CACNA1I: variants seen among roughly 807,000 people sequenced by gnomAD.
CACNA1I encodes the protein voltage-dependent T-type calcium channel subunit alpha-1I.
Under a neutral mutation model 201.6 loss-of-function variants are expected in CACNA1I, and 74 were observed. The observed-to-expected ratio is 0.37, with a 90% CI of 0.30 to 0.45. The LOEUF is 0.45. Ranked by LOEUF, CACNA1I falls within the 20% of genes least tolerant of loss-of-function variation. The pLI, the probability that CACNA1I is intolerant of heterozygous loss-of-function variation, is 1.00. For missense variants in CACNA1I, 2,346 were observed against 3,138.1 expected, an observed-to-expected ratio of 0.75 and a Z score of 6.03; for synonymous variants, 1,431 against 1,345.2, an observed-to-expected ratio of 1.06 and a Z score of -1.40.
chr22:39,605,279 C>T (rs925788210), intron 3 of CACNA1I, among the ~76,000 whole-genome samples: 3 of 152,204 alleles, frequency 2.0e-5, no homozygotes, highest in Admixed American at 2.0e-4. Flanking sequence ...GCCTTCATCT[C>T]CACATCTGGT....
chr22:39,620,259 C>A (rs569911823), intron 4 of CACNA1I, among the ~76,000 whole-genome samples: 73 of 136,298 alleles, frequency 5.4e-4, no homozygotes, highest in African/African-American at 1.9e-3. Flanking sequence ...ATCCATCCAT[C>A]CATCCATCCA....
intron 10 of CACNA1I, chr22:39,656,725 T>G: frequency 1.9e-6 from 1 of 519,052 alleles, no homozygotes; most frequent in Non-Finnish European, 3.8e-6. Context: ...GAGTCCAGCT[T>G]GGTTCAGTGC....
intron 4 of CACNA1I, among the ~76,000 whole-genome samples, chr22:39,625,033 G>A (rs369022029): frequency 2.7e-5 from 4 of 150,812 alleles, no homozygotes; most frequent in Admixed American, 6.6e-5. Flanking sequence ...TCAGTCTCCC[G>A]AGTAGCTGGG....
rs1161016366 is a variant in CACNA1I, at chr22:39,629,672, C to T, written c.581-4893C>T. Among the ~76,000 whole-genome samples, 1 of 152,182 alleles carries T rather than the reference C, an allele frequency of 6.6e-6. No homozygotes were observed. Among genetic ancestry groups the T allele is most frequent in the African/African-American group, 2.4e-5 (1 of 41,438 alleles). ...GGGCACAGAGCAGGGAACCACAGCT[C>T]TCCTGGGCCCCACACTCAGCGCTCC... On this transcript the variant is annotated intron_variant, in intron 4 of 36. Transcript: ENST00000402142. The surrounding 1 kb of genome is among the most constrained non-coding windows in gnomAD (Gnocchi z 4.8).
chr22:39,632,838 C>T (rs931560261), intron 4 of CACNA1I, among the ~76,000 whole-genome samples: 1 of 151,012 alleles, frequency 6.6e-6, no homozygotes, highest in Non-Finnish European at 1.5e-5. Flanking sequence ...GCTGTACACG[C>T]CTCGCTTCCC....
intron 3 of CACNA1I, among the ~76,000 whole-genome samples, chr22:39,617,312 T>G (rs1276371468): frequency 2.0e-5 from 3 of 152,166 alleles, no homozygotes; most frequent in Non-Finnish European, 4.4e-5. Context: ...CGTGGGTGGG[T>G]TCAGTCTGGT....
At position 39,648,009 on chromosome 22, in the gene CACNA1I, G is replaced by A. The variant is rs2146428543; in HGVS notation, c.1567+83G>A. On this transcript the variant is annotated intron_variant, in intron 9 of 36. Coordinates refer to ENST00000402142, the MANE Select transcript of CACNA1I (RefSeq NM_021096.4). This position sits in a 1 kb window ranked among gnomAD's most constrained non-coding sequence, Gnocchi z 5.4. ...GTTGGTGCTGAGAAGGAAGTCGGCA[G>A]GCATGGGGACGGCGCTTGAGCAGCC... The A allele has an allele frequency of 7.9e-7, 1 of 1,259,932 alleles. No homozygotes were observed. The highest frequency in any genetic ancestry group is 1.2e-5 in the South Asian group (1 of 81,154). The allele number at this position is 1,259,932 out of a possible 1,614,324, so 78.0% of individuals were successfully genotyped here. A position where few individuals can be genotyped will look rare whatever the true frequency, so the allele number is the denominator to read the frequency against.
chr22:39,664,964 A>T, intron 21 of CACNA1I, 41 bp downstream of exon 21: 1 of 1,588,930 alleles, frequency 6.3e-7, no homozygotes, highest in Non-Finnish European at 8.6e-7. Flanking sequence ...AGTGTCATGC[A>T]CTGTACCGAG....
intron 2 of CACNA1I, 22 bp from the exon 3 acceptor site, chr22:39,600,498 T>G: frequency 6.2e-7 from 1 of 1,608,618 alleles, no homozygotes. Context: ...TGTCCCTTGC[T>G]TCCCTCCTCC....
intron 1 of CACNA1I, among the ~76,000 whole-genome samples, chr22:39,590,957 C>T (rs1932813489): frequency 6.6e-6 from 1 of 151,924 alleles, no homozygotes; most frequent in Non-Finnish European, 1.5e-5. Flanking sequence ...GTGATCCTCC[C>T]ATCTCAACCT....
At chr22:39,679,607 C>A in intron 32 of CACNA1I, 115 bp from the exon 33 acceptor site, 2 of 1,147,976 alleles carry the variant, frequency 1.7e-6, no homozygotes, top group South Asian at 1.5e-5. Context: ...GGGGGTCGGT[C>A]CCAGGCCATG....
intron 1 of CACNA1I, among the ~76,000 whole-genome samples, chr22:39,591,196 G>C (rs576880535): frequency 1.4e-5 from 2 of 141,228 alleles, no homozygotes; most frequent in African/African-American, 2.7e-5. Flanking sequence ...TTTCACTCTC[G>C]TTGCCCAGGC....
At position 39,649,290 on chromosome 22, in the gene CACNA1I, C is replaced by T. The variant is rs1470288747; in HGVS notation, c.1568-211C>T. Among the ~76,000 whole-genome samples, 10 of 152,212 alleles carry T rather than the reference C, an allele frequency of 6.6e-5. No individual in the cohort carries two copies. Among genetic ancestry groups the T allele is most frequent in the Admixed American group, 2.0e-4 (3 of 15,292 alleles). On this transcript the variant is annotated intron_variant, in intron 9 of 36. Coordinates refer to ENST00000402142, the MANE Select transcript of CACNA1I (RefSeq NM_021096.4). This position sits in a 1 kb window ranked among gnomAD's most constrained non-coding sequence, Gnocchi z 7.3. ...ATCCTCCTACAGCCTGCATGGTGGG[C>T]GTTCCTGCCCCAACTTCTACAACAG... is the stretch of plus-strand genomic sequence containing the variant.
intron 6 of CACNA1I, among the ~76,000 whole-genome samples, chr22:39,641,413 C>G (rs750246309): frequency 6.6e-6 from 1 of 152,252 alleles, no homozygotes; most frequent in Non-Finnish European, 1.5e-5. Flanking sequence ...CAAAAATAGG[C>G]TCTTAACCCA....
In CACNA1I at chr22:39,651,718, G is replaced by T. The variant is rs552250216; in HGVS notation, c.1992+1793G>T. Among the ~76,000 whole-genome samples the T allele has an allele frequency of 5.9e-5, 9 of 152,360 alleles. No homozygotes were observed. The South Asian group carries it at 1.7e-3, about 28-fold the overall frequency. ...GCCAGGGGCTTGCTGGAGCCAGCTG[G>T]TGAGGGCCAATTTCCAAACACTCAG... On this transcript the variant is annotated intron_variant, in intron 10 of 36. Transcript: ENST00000402142.
In CACNA1I at chr22:39,686,366, G is replaced by T. The variant is rs749234745; in HGVS notation, c.6633G>T (p.Glu2211Asp). The T allele has an allele frequency of 2.3e-6, 3 of 1,310,126 alleles. No homozygotes were observed. The highest frequency in any genetic ancestry group is 3.1e-5 in the African/African-American group (2 of 64,316). The allele number at this position is 1,310,126 out of a possible 1,614,324, so 81.2% of individuals were successfully genotyped here. The change falls in exon 37 of 37, where the codon GAG becomes GAT. Residue 2211 changes from glutamate to aspartate, a missense_variant. Physicochemically the swap from Glu to Asp is conservative, Grantham distance 45 (BLOSUM62 2). Around this residue, in one of 13 missense-constraint regions of CACNA1I, gnomAD observed 187 missense variants for 151.0 expected, o/e 1.24. Coordinates refer to ENST00000402142, the MANE Select transcript of CACNA1I (RefSeq NM_021096.4). ...LAPPPQPLPG[E>D]LEPGDAASKR... ...CCCCGCCGCAACCGCTCCCCGGAGA[G>T]CTGGAGCCGGGAGACGCCGCCAGCA...
chr22:39,580,397 A>C (rs148387247), intron 1 of CACNA1I, among the ~76,000 whole-genome samples: 1 of 152,336 alleles, frequency 6.6e-6, no homozygotes, highest in East Asian at 1.9e-4. Context: ...TGGGCCCAGC[A>C]GGCATTGGAG....
chr22:39,636,605 G>A (rs949970111), intron 5 of CACNA1I, among the ~76,000 whole-genome samples: 19 of 152,204 alleles, frequency 1.2e-4, no homozygotes, highest in African/African-American at 4.3e-4. Flanking sequence ...TAGAAATAAG[G>A]GAGGCTTAGA....
chr22:39,636,147 C>T (rs985598685), intron 5 of CACNA1I, among the ~76,000 whole-genome samples: 4 of 152,206 alleles, frequency 2.6e-5, no homozygotes, highest in Non-Finnish European at 4.4e-5. Context: ...AGGCTGGGAG[C>T]GAGAACCAGT....
Sources: allele counts gnomAD v4.1 joint callset (sites outside exome capture counted in the v4.1 genomes callset), GRCh38; gene constraint gnomAD v4.1.1; regional missense constraint gnomAD v4.1.1; non-coding constraint Gnocchi (gnomAD v3.1); transcripts MANE v1.5; gene names NCBI Gene and HGNC (gene_info 2026-07-23, HGNC 2026-07-21).